The following VKORC1L1 variants were observed in gnomAD, a reference collection of about 807,000 sequenced individuals.
VKORC1L1 encodes vitamin K epoxide reductase complex subunit 1L1.
VKORC1L1 carries 2 observed loss-of-function variants against 18.9 expected under a neutral mutation model. That is an observed-to-expected ratio of 0.11 (90% CI 0.04 to 0.33). The LOEUF is 0.33. Among genes scored for constraint, VKORC1L1 ranks in the 10% least tolerant of loss-of-function variants. The pLI, the probability that VKORC1L1 is intolerant of heterozygous loss-of-function variation, is 1.00. For missense variants in VKORC1L1, 123 were observed against 224.1 expected (o/e 0.55, Z 2.88); for synonymous variants, 96 against 100.0 (o/e 0.96, Z 0.24).
chr7:65,879,535 A>G (rs1164728628), intron 1 of VKORC1L1, among the ~76,000 whole-genome samples: 1 of 152,162 alleles, frequency 6.6e-6, no homozygotes, highest in African/African-American at 2.4e-5. Flanking sequence ...CATTTTACAC[A>G]TGAGAAAACT....
chr7:65,906,624 C>T (rs1243809271), intron 1 of VKORC1L1, among the ~76,000 whole-genome samples: 1 of 152,186 alleles, frequency 6.6e-6, no homozygotes, highest in Non-Finnish European at 1.5e-5. Flanking sequence ...CTTAATTACA[C>T]TTTGGCCCTA....
chr7:65,927,581 C>T (rs1789786964), intron 1 of VKORC1L1, among the ~76,000 whole-genome samples: 1 of 149,606 alleles, frequency 6.7e-6, no homozygotes, highest in Non-Finnish European at 1.5e-5. Context: ...TGGACAGGCA[C>T]ACCCAGCACA....
chr7:65,946,658 T>C (rs1360944653), intron 1 of VKORC1L1, among the ~76,000 whole-genome samples: 1 of 152,188 alleles, frequency 6.6e-6, no homozygotes, highest in Non-Finnish European at 1.5e-5. Context: ...GGCATTTGTT[T>C]ACCTGTTTAT....
chr7:65,886,669 C>G (rs1332162687), intron 1 of VKORC1L1, among the ~76,000 whole-genome samples: 1 of 151,792 alleles, frequency 6.6e-6, no homozygotes, highest in African/African-American at 2.4e-5. Flanking sequence ...TCCTGAGTAG[C>G]TGGGACTACA....
At chr7:65,877,600 A>C (rs1271591660) in intron 1 of VKORC1L1, among the ~76,000 whole-genome samples, 2 of 152,192 alleles carry the variant, frequency 1.3e-5, no homozygotes, top group Non-Finnish European at 2.9e-5. Context: ...TGCCTGCCTC[A>C]GCCTCCGAAA....
chr7:65,887,322 A>G (rs1044662036), intron 1 of VKORC1L1, among the ~76,000 whole-genome samples: 2 of 152,160 alleles, frequency 1.3e-5, no homozygotes, highest in African/African-American at 4.8e-5. Context: ...ATTGATCTAT[A>G]TTAGATAAAT....
chr7:65,936,314 G>A lies in VKORC1L1; in HGVS notation c.195-12357G>A, dbSNP rs531094969. Among the ~76,000 whole-genome samples the A allele has an allele frequency of 1.1e-3, 170 of 152,202 alleles. 2 individuals carry two copies. Among genetic ancestry groups the A allele is most frequent in the African/African-American group, 3.9e-3 (163 of 41,536 alleles). The stretch of plus-strand genomic sequence containing the variant: ...GTTCATCATCGTTTGTTTCTCTTGA[G>A]AACTGGTAACATTCTTCTAGTTCTT... On this transcript the variant is annotated intron_variant, in intron 1 of 2. Coordinates refer to ENST00000360768, the MANE Select transcript of VKORC1L1 (RefSeq NM_173517.6).
rs2115784223 is a variant in VKORC1L1 at position 65,959,505 on chromosome 7, AC to A, written c.*5206del. On this transcript the variant is annotated 3_prime_UTR_variant, in exon 3 of 3. Transcript: ENST00000360768. ...AGCTCTAGATTCCTAATTGGAACTGACTACACTCATTTTTAAAAAATGGACG... is the reference window on the plus strand; with the variant it reads ...AGCTCTAGATTCCTAATTGGAACTGATACACTCATTTTTAAAAAATGGACG... 1 of 152,388 alleles carries A rather than the reference AC, an allele frequency of 6.6e-6. No individual in the cohort carries two copies. Among genetic ancestry groups the A allele is most frequent in the African/African-American group, 2.4e-5 (1 of 41,602 alleles). 9.4% of individuals were successfully genotyped at this position (152,388 alleles called of 1,614,324 possible). A position where few individuals can be genotyped will look rare whatever the true frequency, so the allele number is the denominator to read the frequency against.
At position 65,954,369 on chromosome 7, in the gene VKORC1L1, A is replaced by T. The variant is rs577125188; in HGVS notation, c.*69A>T. ...TCAGTTTATTTTGCAGCAGGTTTTT[A>T]TTATTATTATTATTATTATTATTCA... is the stretch of plus-strand genomic sequence containing the variant. On this transcript the variant is annotated 3_prime_UTR_variant, in exon 3 of 3. Transcript: ENST00000360768. 1,183 of 1,231,374 alleles carry T rather than the reference A, an allele frequency of 9.6e-4. No individual in the cohort carries two copies. The highest frequency in any genetic ancestry group is 6.8e-3 in the African/African-American group (439 of 64,380). 76.3% of individuals were successfully genotyped at this position (1,231,374 alleles called of 1,614,324 possible). A position where few individuals can be genotyped will look rare whatever the true frequency, so the allele number is the denominator to read the frequency against.
intron 1 of VKORC1L1, among the ~76,000 whole-genome samples, chr7:65,895,516 T>TATACACACACACAC (rs370356956): frequency 4.2e-5 from 3 of 71,578 alleles, no homozygotes; most frequent in Non-Finnish European, 8.0e-5. Flanking sequence ...TATATATATA[T>TATACACACACACAC]ACACACACAC....
chr7:65,944,284 A>G (rs560502202), intron 1 of VKORC1L1, among the ~76,000 whole-genome samples: 1 of 151,990 alleles, frequency 6.6e-6, no homozygotes, highest in Non-Finnish European at 1.5e-5. Context: ...CAGGAGTCTC[A>G]CTTGAACCCG....
At chr7:65,926,297 A>G (rs902030867) in intron 1 of VKORC1L1, among the ~76,000 whole-genome samples, 1 of 152,090 alleles carries the variant, frequency 6.6e-6, no homozygotes, top group Non-Finnish European at 1.5e-5. Flanking sequence ...CTGGGACTAC[A>G]GGCACCCGCC....
intron 1 of VKORC1L1, among the ~76,000 whole-genome samples, chr7:65,930,102 T>A (rs1381134897): frequency 6.6e-6 from 1 of 152,168 alleles, no homozygotes; most frequent in East Asian, 1.9e-4. Context: ...AGAAACATAA[T>A]TTTGATTTTT....
intron 1 of VKORC1L1, among the ~76,000 whole-genome samples, chr7:65,933,215 TGA>T (rs774704501): frequency 5.3e-4 from 81 of 152,026 alleles, no homozygotes; most frequent in African/African-American, 1.8e-3. Context: ...TGTCCATTAC[TGA>T]GAGAGAGAGA....
chr7:65,959,526 T>A lies in VKORC1L1; in HGVS notation c.*5226T>A, dbSNP rs559596414. On this transcript the variant is annotated 3_prime_UTR_variant, in exon 3 of 3. Transcript: ENST00000360768. ...ACTGACTACACTCATTTTTAAAAAA[T>A]GGACGATGCCTAATAAAACCACATG... 7.2e-5 allele frequency: 11 copies of A among 152,236 alleles called. No homozygotes were observed. The highest frequency in any genetic ancestry group is 1.5e-4 in the Non-Finnish European group (10 of 68,036). The allele number at this position is 152,236 out of a possible 1,614,324, so 9.4% of individuals were successfully genotyped here.
Position 65,954,582 on chromosome 7 carries a change from C to T in VKORC1L1, c.*282C>T, listed in dbSNP as rs1211733436. 11 of 486,780 alleles carry T rather than the reference C, an allele frequency of 2.3e-5. No individual in the cohort carries two copies. Among genetic ancestry groups the T allele is most frequent in the Non-Finnish European group, 3.8e-5 (11 of 290,172 alleles). The allele number at this position is 486,780 out of a possible 1,614,324, so 30.2% of individuals were successfully genotyped here. On this transcript the variant is annotated 3_prime_UTR_variant, in exon 3 of 3. Coordinates refer to ENST00000360768, the MANE Select transcript of VKORC1L1 (RefSeq NM_173517.6). ...CTGAAATGATAAAATGTAGCCCTAG[C>T]CCCCTGCCCTCAATTGTAAAGTGAG...
chr7:65,938,149 A>G (rs1305411505), intron 1 of VKORC1L1, among the ~76,000 whole-genome samples: 1 of 152,186 alleles, frequency 6.6e-6, no homozygotes, highest in Non-Finnish European at 1.5e-5. Flanking sequence ...CGGAGGTTAC[A>G]GTGAGCAGAG....
chr7:65,929,670 A>ATG lies in VKORC1L1; in HGVS notation c.195-18989_195-18988dup, dbSNP rs1554300813. 6.5e-3 allele frequency among the ~76,000 whole-genome samples: 761 copies of ATG among 117,442 alleles called. 6 individuals are homozygous for ATG. The highest frequency in any genetic ancestry group is 0.02 in the African/African-American group (585 of 29,350). 77.0% of individuals were successfully genotyped at this position (117,442 alleles called of 152,430 possible). ...TATATATATGTATGTGTGTGTGTGT[A>ATG]TGTGTGTGTGTGTATATATATATAT... On this transcript the variant is annotated intron_variant, in intron 1 of 2. Coordinates refer to ENST00000360768, the MANE Select transcript of VKORC1L1 (RefSeq NM_173517.6).
intron 1 of VKORC1L1, among the ~76,000 whole-genome samples, chr7:65,914,246 A>G (rs1039423601): frequency 4.6e-5 from 7 of 152,108 alleles, no homozygotes; most frequent in Admixed American, 4.6e-4. Flanking sequence ...GGTGTGCACC[A>G]TCATACCACC....
Sources: gnomAD v4.1 joint callset for allele counts (sites outside exome capture counted in the v4.1 genomes callset) on GRCh38, gnomAD v4.1.1 for gene constraint, MANE v1.5 for transcripts, NCBI Gene and HGNC (gene_info 2026-07-23, HGNC 2026-07-21) for gene names.